Variants in FAM20A observed in about 807,000 individuals in gnomAD.
FAM20A encodes pseudokinase FAM20A.
FAM20A carries 42 observed loss-of-function variants against 52.0 expected under a neutral mutation model. The ratio of observed to expected loss-of-function variants is 0.81; its 90% CI spans 0.63 to 1.04. The LOEUF (loss-of-function observed/expected upper bound fraction) is 1.04. Ranked by LOEUF, FAM20A falls within the 50% of genes least tolerant of loss-of-function variation. The pLI is 0.00. For missense variants in FAM20A, 742 were observed against 712.7 expected (o/e 1.04, Z -0.47); for synonymous variants, 304 against 298.9 (o/e 1.02, Z -0.18).
intron 1 of FAM20A, among the ~76,000 whole-genome samples, chr17:68,586,892 C>CT (rs1016989570): frequency 9.8e-4 from 144 of 147,250 alleles, no homozygotes; most frequent in Admixed American, 1.6e-3. Flanking sequence ...TTCCAACTTT[C>CT]TTTTTTTTTT....
chr17:68,537,673 A>G lies in FAM20A; in HGVS notation c.1430T>C (p.Met477Thr), dbSNP rs1288219404. The G allele has an allele frequency of 1.9e-6, 3 of 1,613,728 alleles. No individual in the cohort carries two copies. Among genetic ancestry groups the G allele is most frequent in the African/African-American group, 1.3e-5 (1 of 74,932 alleles). ...AQADYRLSDVMRESLLEDQLS... is the reference protein window; with the variant it reads ...AQADYRLSDVTRESLLEDQLS... ...CTGGTCTTCCAGCAGTGATTCTCGC[A>G]TCACATCGCTGAGTCTGTAGTCAGC... The change falls in exon 11 of 11, where the codon ATG becomes ACG. Residue 477 changes from methionine (M) to threonine (T), a missense_variant. Transcript: ENST00000592554. This position sits in a 1 kb window ranked among gnomAD's most constrained non-coding sequence, Gnocchi z 4.2.
In FAM20A at chr17:68,543,696, C is replaced by T. The variant is rs924601615; in HGVS notation, c.745G>A (p.Val249Met). Residue 249 changes from valine (V) to methionine (M), a missense_variant, in exon 5 of 11, where the codon GTG becomes ATG. Transcript: ENST00000592554. ...MRQQRDEETP[V>M]DFFYFIDFQR... The stretch of plus-strand genomic sequence containing the variant: ...AAGTCAATGAAGTAGAAGAAGTCCA[C>T]TGGTGTCTCCTCATCTCGCTGCTGT... 4.3e-6 allele frequency: 7 copies of T among 1,614,050 alleles called. No homozygotes were observed. The highest frequency in any genetic ancestry group is 1.3e-5 in the African/African-American group (1 of 74,922).
At position 68,535,326 on chromosome 17, in the gene FAM20A, T is replaced by C; in HGVS notation, c.*2151A>G. On this transcript the variant is annotated 3_prime_UTR_variant, in exon 11 of 11. Coordinates refer to ENST00000592554, the MANE Select transcript of FAM20A (RefSeq NM_017565.4). Reference sequence around the variant, plus strand: ...ATATCATGGTGAAATTCAAGCCTATTGCTTTCTGTTTGTAGAGTGCAGCAA... The same window carrying C: ...ATATCATGGTGAAATTCAAGCCTATCGCTTTCTGTTTGTAGAGTGCAGCAA... The C allele has an allele frequency of 2.2e-6, 1 of 454,138 alleles. No individual in the cohort carries two copies. Among genetic ancestry groups the C allele is most frequent in the South Asian group, 1.6e-5 (1 of 64,476 alleles). The allele number at this position is 454,138 out of a possible 1,614,324, so 28.1% of individuals were successfully genotyped here. A position where few individuals can be genotyped will look rare whatever the true frequency, so the allele number is the denominator to read the frequency against.
At chr17:68,555,494 G>A (rs2087023858) in intron 2 of FAM20A, 65 bp downstream of exon 2, 1 of 1,577,402 alleles carries the variant, frequency 6.3e-7, no homozygotes. Context: ...GCCTAGCCTG[G>A]GATGCTTTAC....
intron 1 of FAM20A, among the ~76,000 whole-genome samples, chr17:68,560,790 C>G (rs1312125718): frequency 6.6e-6 from 1 of 152,072 alleles, no homozygotes; most frequent in Admixed American, 6.6e-5. Flanking sequence ...ACTGCTAATC[C>G]CTCTCCCTCA....
intron 4 of FAM20A, among the ~76,000 whole-genome samples, chr17:68,546,723 G>T (rs560862883): frequency 3.9e-5 from 6 of 152,026 alleles, no homozygotes; most frequent in Middle Eastern, 3.4e-3. Context: ...CCAGCCACTC[G>T]GGAGGCTGAG....
At chr17:68,541,747 C>A (rs944374781) in intron 7 of FAM20A, 3 of 465,092 alleles carry the variant, frequency 6.5e-6, no homozygotes, top group African/African-American at 3.9e-5. Context: ...TCTGAGTCTT[C>A]CATTTCTGTA....
At position 68,540,761 on chromosome 17, in the gene FAM20A, A is replaced by G. The variant is rs2086249934; in HGVS notation, c.1219+88T>C. 3 of 1,493,900 alleles carry G rather than the reference A, an allele frequency of 2.0e-6. No individual in the cohort carries two copies. The Admixed American group carries it at 5.9e-5, about 29-fold the overall frequency. 92.5% of individuals were successfully genotyped at this position (1,493,900 alleles called of 1,614,324 possible). ...CAGAGTTACTCAGTCCTCATGAACC[A>G]GGTTGTAAGTTTGTGCTCAAGGTCA... On this transcript the variant is annotated intron_variant, in intron 8 of 10. Coordinates refer to ENST00000592554, the MANE Select transcript of FAM20A (RefSeq NM_017565.4).
At chr17:68,550,332 A>G (rs1179935529) in intron 4 of FAM20A, among the ~76,000 whole-genome samples, 2 of 144,094 alleles carry the variant, frequency 1.4e-5, no homozygotes, top group African/African-American at 2.5e-5. Context: ...TCTAACAACT[A>G]GGATTTTGGA....
chr17:68,581,349 T>TTTTTCTTTCTTTCTTTC lies in FAM20A; in HGVS notation c.404+18897_404+18913dup, dbSNP rs1568773622. Among the ~76,000 whole-genome samples, 4 of 146,762 alleles carry TTTTTCTTTCTTTCTTTC rather than the reference T, an allele frequency of 2.7e-5. No homozygotes were observed. The East Asian group carries it at 7.9e-4, about 29-fold the overall frequency. On this transcript the variant is annotated intron_variant, in intron 1 of 10. Coordinates refer to ENST00000592554, the MANE Select transcript of FAM20A (RefSeq NM_017565.4). ...TTGAAAAGGTATCTCCGAAATGCAGTTTTTCTTTCTTTCTTTCTTTCTTTC... is the reference window on the plus strand; with the variant it reads ...TTGAAAAGGTATCTCCGAAATGCAGTTTTTCTTTCTTTCTTTCTTTTCTTTCTTTCTTTCTTTCTTTC...
intron 1 of FAM20A, among the ~76,000 whole-genome samples, chr17:68,574,622 GT>G (rs1402657097): frequency 1.3e-5 from 2 of 152,170 alleles, no homozygotes; most frequent in Non-Finnish European, 2.9e-5. Context: ...CTGGGACTCA[GT>G]ACTGGTAACT....
At chr17:68,542,936 ACT>A (rs1161420300) in intron 5 of FAM20A, 127 bp from the exon 6 acceptor site, 8 of 736,732 alleles carry the variant, frequency 1.1e-5, no homozygotes, top group South Asian at 2.9e-5. Flanking sequence ...GTGAGGCGTG[ACT>A]CTGCACTGTT....
rs938056616 is a variant in FAM20A at position 68,600,182 on chromosome 17, G to T, written c.404+81C>A. 2.7e-6 allele frequency: 4 copies of T among 1,475,608 alleles called. No homozygotes were observed. The Admixed American group carries it at 6.3e-5, about 23-fold the overall frequency. The allele number at this position is 1,475,608 out of a possible 1,614,324, so 91.4% of individuals were successfully genotyped here. ...GAGCCGCTGCAGCCCTGGGCCGGGG[G>T]CGTCAGGAAACTCGAGACTGGGGCG... On this transcript the variant is annotated intron_variant, in intron 1 of 10. Coordinates refer to ENST00000592554, the MANE Select transcript of FAM20A (RefSeq NM_017565.4). The surrounding 1 kb of genome is among the most constrained non-coding windows in gnomAD (Gnocchi z 6.2).
intron 1 of FAM20A, among the ~76,000 whole-genome samples, chr17:68,566,267 G>C (rs964241881): frequency 5.3e-5 from 8 of 152,174 alleles, no homozygotes; most frequent in Admixed American, 5.2e-4. Context: ...TCTTCTAACT[G>C]AGGGTGGGCA....
chr17:68,594,611 A>G (rs925088372), intron 1 of FAM20A, among the ~76,000 whole-genome samples: 2 of 152,054 alleles, frequency 1.3e-5, no homozygotes, highest in Non-Finnish European at 2.9e-5. Flanking sequence ...TCTGGGGAAA[A>G]AAATCTGCTT....
rs1568713444 is a variant in FAM20A at position 68,536,506 on chromosome 17, C to CT, written c.*970dup. 2.2e-6 allele frequency: 1 copy of CT among 454,098 alleles called. No individual in the cohort carries two copies. 28.1% of individuals were successfully genotyped at this position (454,098 alleles called of 1,614,324 possible). A position where few individuals can be genotyped will look rare whatever the true frequency, so the allele number is the denominator to read the frequency against. ...AGGGAGGCTTCAATAAAAAACCTGA[C>CT]TTAGTCTTTTTTGAGCCAGCCGTCA... On this transcript the variant is annotated 3_prime_UTR_variant, in exon 11 of 11. Coordinates refer to ENST00000592554, the MANE Select transcript of FAM20A (RefSeq NM_017565.4).
rs587776912 is a variant in FAM20A, at chr17:68,542,811, T to C, written c.813-2A>G. On this transcript the variant is annotated splice_acceptor_variant, in intron 5 of 10. Coordinates refer to ENST00000592554, the MANE Select transcript of FAM20A (RefSeq NM_017565.4). LOFTEE classifies it high-confidence loss of function. ...GGCACCCGTCGGAAGTCCAGAATCC[T>C]GCAAGAGAGGAAGCTCTGTTCCATC... 2.5e-6 allele frequency: 4 copies of C among 1,608,550 alleles called. No homozygotes were observed. The Admixed American group carries it at 5.0e-5, about 20-fold the overall frequency.
chr17:68,551,713 ATTATTATTATT>A (rs890483524), intron 4 of FAM20A, among the ~76,000 whole-genome samples, 149 bp downstream of exon 4: 6 of 141,918 alleles, frequency 4.2e-5, no homozygotes, highest in African/African-American at 1.7e-4. Flanking sequence ...TATTATTATT[ATTATTATTATT>A]ATCACCCCAA....
intron 1 of FAM20A, chr17:68,558,250 C>T: frequency 2.7e-6 from 1 of 374,618 alleles, no homozygotes; most frequent in Non-Finnish European, 5.5e-6. Context: ...GAAGGAGGAC[C>T]CCTGAGCTGC....
Sources: gnomAD v4.1 joint callset for allele counts (sites outside exome capture counted in the v4.1 genomes callset) on GRCh38, gnomAD v4.1.1 for gene constraint, Gnocchi (gnomAD v3.1) non-coding constraint, MANE v1.5 for transcripts, NCBI Gene and HGNC (gene_info 2026-07-23, HGNC 2026-07-21) for gene names.